Variants in NAALADL2 observed in about 807,000 individuals in gnomAD.
NAALADL2 encodes the protein inactive N-acetylated-alpha-linked acidic dipeptidase-like protein 2.
A neutral mutation model predicts 87.2 loss-of-function variants in NAALADL2; 76 were observed. The ratio of observed to expected loss-of-function variants is 0.87; its 90% CI spans 0.72 to 1.05. The LOEUF (loss-of-function observed/expected upper bound fraction) is 1.05, where lower values mean the gene tolerates loss of function less well. Among genes scored for constraint, NAALADL2 ranks in the 50% least tolerant of loss-of-function variants. The pLI, the probability that NAALADL2 is intolerant of heterozygous loss-of-function variation, is 0.00. For synonymous variants in NAALADL2, 354 were observed against 331.0 expected (o/e 1.07, Z -0.75); for missense variants, 1,089 against 945.8 (o/e 1.15, Z -1.99).
At chr3:175,658,004 A>C (rs562299993) in intron 11 of NAALADL2, among the ~76,000 whole-genome samples, 1 of 151,864 alleles carries the variant, frequency 6.6e-6, no homozygotes, top group Admixed American at 6.6e-5. Flanking sequence ...ATATATATAT[A>C]ATATATACAT....
At chr3:174,676,333 ATTAG>A (rs1163579132) in intron 2 of NAALADL2, among the ~76,000 whole-genome samples, 1 of 152,084 alleles carries the variant, frequency 6.6e-6, no homozygotes, top group Non-Finnish European at 1.5e-5. Flanking sequence ...AATCCTTGGA[ATTAG>A]TTCAACCATT....
chr3:175,698,335 ATATATGTATGTGTATTTATGTATGTG>A lies in NAALADL2; in HGVS notation c.1897-38965_1897-38940del, dbSNP rs1344533799. ...TATGTATGTGTATTTATGTATGTGT[ATATATGTATGTGTATTTATGTATGTG>A]TATATATGTATGTGTATTTATGTAT... On this transcript the variant is annotated intron_variant, in intron 11 of 13. Coordinates refer to ENST00000454872, the MANE Select transcript of NAALADL2 (RefSeq NM_207015.3). Among the ~76,000 whole-genome samples, 293 of 113,354 alleles carry A rather than the reference ATATATGTATGTGTATTTATGTATGTG, an allele frequency of 2.6e-3. 60 individuals carry two copies. The highest frequency in any genetic ancestry group is 6.5e-3 in the African/African-American group (149 of 22,800). The allele number at this position is 113,354 out of a possible 152,430, so 74.4% of individuals were successfully genotyped here. A position where few individuals can be genotyped will look rare whatever the true frequency, so the allele number is the denominator to read the frequency against.
intron 13 of NAALADL2, among the ~76,000 whole-genome samples, chr3:175,759,876 C>T (rs115648501): frequency 6.6e-6 from 1 of 151,996 alleles, no homozygotes; most frequent in Admixed American, 6.6e-5. Flanking sequence ...GTTGTGGAGT[C>T]CCTTAAATGC....
chr3:175,503,421 CTT>C (rs1327801274), intron 9 of NAALADL2, among the ~76,000 whole-genome samples: 6 of 152,030 alleles, frequency 3.9e-5, no homozygotes, highest in Non-Finnish European at 7.4e-5. Flanking sequence ...GGTAGAACAA[CTT>C]ATATTCATTT....
intron 2 of NAALADL2, among the ~76,000 whole-genome samples, chr3:174,610,714 G>T (rs76534580): frequency 0.47 from 71,527 of 150,742 alleles, 17,570 homozygotes; most frequent in East Asian, 0.81. Context: ...TTACACTGTT[G>T]TTGGGACCGT....
rs1387189173 is a variant in NAALADL2, at chr3:175,476,856, CAG to C, written c.1653+5102_1653+5103del. On this transcript the variant is annotated intron_variant, in intron 9 of 13. Coordinates refer to ENST00000454872, the MANE Select transcript of NAALADL2 (RefSeq NM_207015.3). The stretch of plus-strand genomic sequence containing the variant: ...GACTGGAGCCCTGACTTTCAAGTAA[CAG>C]AGATATTTATTATTTTTGTCTTGAC... Among the ~76,000 whole-genome samples the C allele has an allele frequency of 3.3e-5, 5 of 152,028 alleles. No individual in the cohort carries two copies. In the East Asian group the frequency reaches 9.6e-4, roughly 29 times the overall value.
At chr3:175,106,357 G>C (rs1456551088) in intron 2 of NAALADL2, among the ~76,000 whole-genome samples, 4 of 152,016 alleles carry the variant, frequency 2.6e-5, no homozygotes, top group African/African-American at 7.2e-5. Flanking sequence ...ATTTCCATCA[G>C]ATATATCAGG....
chr3:175,718,011 C>A (rs557992966), intron 11 of NAALADL2, among the ~76,000 whole-genome samples: 13 of 151,316 alleles, frequency 8.6e-5, no homozygotes, highest in African/African-American at 2.7e-4. Context: ...GTTGTTATAG[C>A]ACAACTTATA....
intron 1 of NAALADL2, among the ~76,000 whole-genome samples, chr3:174,953,776 A>G (rs909554261): frequency 1.3e-5 from 2 of 152,038 alleles, no homozygotes; most frequent in Non-Finnish European, 2.9e-5. Context: ...CCAGAACAGC[A>G]AGAAAGGAGG....
chr3:175,286,965 G>A (rs1348289707), intron 4 of NAALADL2, among the ~76,000 whole-genome samples: 1 of 151,062 alleles, frequency 6.6e-6, no homozygotes, highest in African/African-American at 2.4e-5. Context: ...GCCCCTAGTC[G>A]GAGGGTATGG....
chr3:174,882,651 A>ACACATATACGCATATGTGCATATG lies in NAALADL2; in HGVS notation c.43+23208_43+23209insACGCATATGTGCATATGCACATAT, dbSNP rs1560318856. Among the ~76,000 whole-genome samples, 86 of 132,748 alleles carry ACACATATACGCATATGTGCATATG rather than the reference A, an allele frequency of 6.5e-4. 1 individual carries two copies. The highest frequency in any genetic ancestry group is 2.9e-3 in the African/African-American group (78 of 26,742). 87.1% of individuals were successfully genotyped at this position (132,748 alleles called of 152,430 possible). The stretch of plus-strand genomic sequence containing the variant: ...TGTGCATATACACATATGTGCATAT[A>ACACATATACGCATATGTGCATATG]CACATATGTGCATATACACATATGT... On this transcript the variant is annotated intron_variant, in intron 1 of 13. Coordinates refer to ENST00000454872, the MANE Select transcript of NAALADL2 (RefSeq NM_207015.3).
Position 175,528,992 on chromosome 3 carries a change from CA to C in NAALADL2, c.1654-47048del, listed in dbSNP as rs1276827345. Among the ~76,000 whole-genome samples the C allele has an allele frequency of 1.7e-4, 26 of 152,326 alleles. No homozygotes were observed. The East Asian group carries it at 5.0e-3, about 29-fold the overall frequency. On this transcript the variant is annotated intron_variant, in intron 9 of 13. Transcript: ENST00000454872. ...CCTTTGCCTTCAGCAAGCACCTCAG[CA>C]GGTCGTGGATTTTTTCCTGGTGGAG...
intron 3 of NAALADL2, among the ~76,000 whole-genome samples, chr3:174,842,479 A>G (rs1041691022): frequency 2.0e-5 from 3 of 152,210 alleles, no homozygotes; most frequent in African/African-American, 7.2e-5. Flanking sequence ...TGGAACTTAC[A>G]GTGGACTTAC....
At chr3:175,299,432 C>CTT (rs60864701) in intron 4 of NAALADL2, among the ~76,000 whole-genome samples, 19 of 150,850 alleles carry the variant, frequency 1.3e-4, no homozygotes, top group African/African-American at 3.4e-4. Context: ...AGCATGGAAT[C>CTT]TTTTTTTTTC....
At chr3:174,681,271 T>A (rs1221183940) in intron 2 of NAALADL2, among the ~76,000 whole-genome samples, 2 of 152,168 alleles carry the variant, frequency 1.3e-5, no homozygotes, top group African/African-American at 4.8e-5. Flanking sequence ...AAGCTGCAAG[T>A]GCTGTAATTC....
At chr3:175,496,887 A>G (rs1382632160) in intron 9 of NAALADL2, among the ~76,000 whole-genome samples, 1 of 152,050 alleles carries the variant, frequency 6.6e-6, no homozygotes, top group African/African-American at 2.4e-5. Context: ...AACACTTTGT[A>G]TATGTCAGAT....
chr3:174,526,459 C>G (rs1227029272), intron 1 of NAALADL2, among the ~76,000 whole-genome samples: 3 of 152,076 alleles, frequency 2.0e-5, no homozygotes, highest in African/African-American at 7.2e-5. Flanking sequence ...ATTGCTTTGA[C>G]TAGTAAATAG....
rs140291952 is a variant in NAALADL2, at chr3:175,181,678, CATAT to C, written c.546-52230_546-52227del. Among the ~76,000 whole-genome samples, 124 of 51,874 alleles carry C rather than the reference CATAT, an allele frequency of 2.4e-3. 4 individuals are homozygous for C. The highest frequency in any genetic ancestry group is 0.011 in the East Asian group (15 of 1,390). 34.0% of individuals were successfully genotyped at this position (51,874 alleles called of 152,430 possible). A position where few individuals can be genotyped will look rare whatever the true frequency, so the allele number is the denominator to read the frequency against. ...TTATGACTGAATAGTATTCCATTGG[CATAT>C]ATATATATATATATATATATATGTG... On this transcript the variant is annotated intron_variant, in intron 2 of 13. Coordinates refer to ENST00000454872, the MANE Select transcript of NAALADL2 (RefSeq NM_207015.3).
At chr3:174,966,463 G>A (rs1271389139) in intron 1 of NAALADL2, among the ~76,000 whole-genome samples, 1 of 152,150 alleles carries the variant, frequency 6.6e-6, no homozygotes, top group Non-Finnish European at 1.5e-5. Flanking sequence ...TGTGTTAGTG[G>A]TCCCAAAGCA....
Sources: gnomAD v4.1 joint callset for allele counts (sites outside exome capture counted in the v4.1 genomes callset) on GRCh38, gnomAD v4.1.1 for gene constraint, MANE v1.5 for transcripts, NCBI Gene and HGNC (gene_info 2026-07-23, HGNC 2026-07-21) for gene names.